Variants in SPATC1 observed in about 807,000 individuals in gnomAD.
SPATC1 encodes the protein speriolin.
Under a neutral mutation model 36.5 loss-of-function variants are expected in SPATC1, and 35 were observed. The ratio of observed to expected loss-of-function variants is 0.96; its 90% CI spans 0.73 to 1.27. The LOEUF (loss-of-function observed/expected upper bound fraction) is 1.27. Among genes scored for constraint, SPATC1 ranks in the 50% most tolerant of loss-of-function variants. SPATC1 has a pLI of 0.00. For synonymous variants in SPATC1, 361 were observed against 353.6 expected, an observed-to-expected ratio of 1.02 and a Z score of -0.24; for missense variants, 779 against 796.0, an observed-to-expected ratio of 0.98 and a Z score of 0.26.
intron 1 of SPATC1, among the ~76,000 whole-genome samples, chr8:144,025,710 G>T (rs927533385): frequency 6.6e-6 from 1 of 152,084 alleles, no homozygotes; most frequent in Non-Finnish European, 1.5e-5. Flanking sequence ...CAGGGACCTC[G>T]GTAAGGCAGC....
chr8:144,014,429 AAAG>A (rs1163947478), intron 1 of SPATC1, among the ~76,000 whole-genome samples: 2 of 151,550 alleles, frequency 1.3e-5, no homozygotes, highest in Non-Finnish European at 2.9e-5. Flanking sequence ...GGAGAGGAAG[AAAG>A]AAGGAAGAAG....
At chr8:144,028,579 A>G (rs999428292) in intron 1 of SPATC1, among the ~76,000 whole-genome samples, 7 of 152,256 alleles carry the variant, frequency 4.6e-5, no homozygotes, top group African/African-American at 1.4e-4. Context: ...CTGTGGAGAA[A>G]TAAGAATATT....
intron 1 of SPATC1, among the ~76,000 whole-genome samples, chr8:144,033,973 A>T (rs1003452432): frequency 6.6e-6 from 1 of 152,182 alleles, no homozygotes; most frequent in African/African-American, 2.4e-5. Flanking sequence ...TACCTGAAAG[A>T]GCTGAGGTTG....
intron 1 of SPATC1, among the ~76,000 whole-genome samples, chr8:144,032,436 C>T (rs1399131774): frequency 1.3e-5 from 2 of 152,104 alleles, no homozygotes; most frequent in African/African-American, 4.8e-5. Context: ...CGCCACCATG[C>T]CCAGCTAATT....
intron 1 of SPATC1, among the ~76,000 whole-genome samples, chr8:144,026,239 G>A (rs1045722291): frequency 3.3e-5 from 5 of 152,136 alleles, no homozygotes; most frequent in African/African-American, 1.2e-4. Flanking sequence ...TGTTTTCAAG[G>A]TTCTTCCATG....
chr8:144,042,938 T>C (rs1241275275), intron 4 of SPATC1, among the ~76,000 whole-genome samples: 1 of 151,738 alleles, frequency 6.6e-6, no homozygotes, highest in Non-Finnish European at 1.5e-5. Context: ...GGCCCTCCCA[T>C]CTCAGCCTCT....
rs782048859 is a variant in SPATC1 at position 144,040,818 on chromosome 8, C to T, written c.1017C>T (p.Pro339=). Residue 339 remains proline (P), a synonymous_variant, in exon 3 of 5, where the codon CCC becomes CCT. Transcript: ENST00000377470. ...CGGTCACCGTCCTTGCCTCTGCCCC[C>T]GCCCTTGCCCCCCAGGTTGCCACCA... The part of the protein sequence containing the change: ...SPTVTVLASA[P]ALAPQVATSY... 14 of 1,559,338 alleles carry T rather than the reference C, an allele frequency of 9.0e-6. No individual in the cohort carries two copies. The highest frequency in any genetic ancestry group is 2.4e-5 in the South Asian group (2 of 83,390).
chr8:144,012,247 G>A (rs1308703605), upstream of SPATC1, among the ~76,000 whole-genome samples: 4 of 152,260 alleles, frequency 2.6e-5, no homozygotes, highest in South Asian at 2.1e-4. Context: ...GGCACCATGA[G>A]GGTGAAGTTG....
chr8:144,012,474 A>C lies in SPATC1; in HGVS notation c.-42A>C. 1 of 1,530,384 alleles carries C rather than the reference A, an allele frequency of 6.5e-7. No homozygotes were observed. The highest frequency in any genetic ancestry group is 8.9e-7 in the Non-Finnish European group (1 of 1,128,016). The allele number at this position is 1,530,384 out of a possible 1,614,324, so 94.8% of individuals were successfully genotyped here. A position where few individuals can be genotyped will look rare whatever the true frequency, so the allele number is the denominator to read the frequency against. ...GGGGCCCTGGGCAGCCTCCAGGTGC[A>C]GTGCCCTCCCGTGGGCCGCACCCTT... On this transcript the variant is annotated 5_prime_UTR_variant, in exon 1 of 5. Coordinates refer to ENST00000377470, the MANE Select transcript of SPATC1 (RefSeq NM_198572.3).
rs535659031 is a variant in SPATC1, at chr8:144,046,685, A to G, written c.1505A>G (p.Gln502Arg). The G allele has an allele frequency of 1.9e-6, 3 of 1,612,354 alleles. No homozygotes were observed. The highest frequency in any genetic ancestry group is 1.3e-5 in the African/African-American group (1 of 75,030). Residue 502 changes from glutamine (Q) to arginine (R), a missense_variant, in exon 5 of 5, where the codon CAG becomes CGG. Transcript: ENST00000377470. The surrounding 1 kb of genome is among the most constrained non-coding windows in gnomAD (Gnocchi z 6.6). ...GAGAAGCTGTGCCAGAGGCTCACACAGCGCTATGTGAGCGTCATGAACAGG... is the reference window on the plus strand; with the variant it reads ...GAGAAGCTGTGCCAGAGGCTCACACGGCGCTATGTGAGCGTCATGAACAGG... ...LDEKLCQRLT[Q>R]RYVSVMNRLQ...
chr8:144,041,265 G>A lies in SPATC1; in HGVS notation c.1340G>A (p.Gly447Asp), dbSNP rs1230718394. ...SKQLAWERLV[G>D]EIAFQLDRRI... is the part of the protein sequence containing the mutation. The stretch of plus-strand genomic sequence containing the variant: ...CAGCTGGCCTGGGAGAGGCTGGTGG[G>A]TGAGATTGCCTTCCAGCTGGACCGC... The change falls in exon 4 of 5, where the codon GGT becomes GAT. Residue 447 changes from glycine (G) to aspartate (D), a missense_variant. By Grantham distance (94) the Gly-to-Asp change is moderately conservative. Transcript: ENST00000377470. 7 of 1,613,012 alleles carry A rather than the reference G, an allele frequency of 4.3e-6. No individual in the cohort carries two copies. The highest frequency in any genetic ancestry group is 5.1e-6 in the Non-Finnish European group (6 of 1,180,002).
In SPATC1 at chr8:144,046,185, G is replaced by A. The variant is rs1488576752; in HGVS notation, c.1447-442G>A. Among the ~76,000 whole-genome samples, 1 of 152,114 alleles carries A rather than the reference G, an allele frequency of 6.6e-6. No individual in the cohort carries two copies. Among genetic ancestry groups the A allele is most frequent in the African/African-American group, 2.4e-5 (1 of 41,402 alleles). ...GTAAGGAAGGGGGTGGCCTTCAGACGCTGAAAGGGAGCAGAGCACGGAGCC... is the reference window on the plus strand; with the variant it reads ...GTAAGGAAGGGGGTGGCCTTCAGACACTGAAAGGGAGCAGAGCACGGAGCC... On this transcript the variant is annotated intron_variant, in intron 4 of 4. Coordinates refer to ENST00000377470, the MANE Select transcript of SPATC1 (RefSeq NM_198572.3). This position sits in a 1 kb window ranked among gnomAD's most constrained non-coding sequence, Gnocchi z 6.6.
chr8:144,025,413 A>G (rs1834657256), intron 1 of SPATC1, among the ~76,000 whole-genome samples: 1 of 152,226 alleles, frequency 6.6e-6, no homozygotes, highest in South Asian at 2.1e-4. Flanking sequence ...AAATAATTAA[A>G]TAATCATATA....
At chr8:144,025,629 G>A (rs1016903845) in intron 1 of SPATC1, among the ~76,000 whole-genome samples, 35 of 152,288 alleles carry the variant, frequency 2.3e-4, no homozygotes, top group African/African-American at 7.9e-4. Flanking sequence ...GTGGGTGTCT[G>A]TTAGCTGAGG....
intron 1 of SPATC1, among the ~76,000 whole-genome samples, chr8:144,027,546 C>T (rs1443967323): frequency 2.6e-5 from 4 of 152,168 alleles, no homozygotes; most frequent in African/African-American, 9.7e-5. Context: ...AGATTCACCC[C>T]AAGTTTTATT....
At chr8:144,023,418 T>TC (rs1834594645) in intron 1 of SPATC1, among the ~76,000 whole-genome samples, 1 of 124,448 alleles carries the variant, frequency 8.0e-6, no homozygotes, top group Non-Finnish European at 1.8e-5. Flanking sequence ...CTGAAAACCC[T>TC]CCCCCCTCAG....
At chr8:144,038,840 C>G (rs1401001555) in intron 1 of SPATC1, among the ~76,000 whole-genome samples, 1 of 152,184 alleles carries the variant, frequency 6.6e-6, no homozygotes, top group Non-Finnish European at 1.5e-5. Context: ...TCCGGGTTGC[C>G]CGTGGCTGCC....
In SPATC1 at chr8:144,044,588, G is replaced by A. The variant is rs549941638; in HGVS notation, c.1447-2039G>A. On this transcript the variant is annotated intron_variant, in intron 4 of 4. Transcript: ENST00000377470. Reference sequence around the variant, plus strand: ...CTCCCAAAGTGCTGGAATTACAGGCGTGAGCCACCAAGCCCGGCCCTTGAA... The same window carrying A: ...CTCCCAAAGTGCTGGAATTACAGGCATGAGCCACCAAGCCCGGCCCTTGAA... Among the ~76,000 whole-genome samples, 14 of 150,926 alleles carry A rather than the reference G, an allele frequency of 9.3e-5. No individual in the cohort carries two copies. In the South Asian group the frequency reaches 2.5e-3, roughly 27 times the overall value.
At position 144,012,609 on chromosome 8, in the gene SPATC1, C is replaced by T. The variant is rs192803282; in HGVS notation, c.94C>T (p.Arg32Trp). 2.9e-3 allele frequency: 4,450 copies of T among 1,551,702 alleles called. 11 individuals carry two copies. The highest frequency in any genetic ancestry group is 9.0e-3 in the Middle Eastern group (54 of 5,992). ...ACTGAAGAAGTTGGTGCGGCTCATTCGGGAGAATCACGAGCTCAAGTCAGC... is the reference window on the plus strand; with the variant it reads ...ACTGAAGAAGTTGGTGCGGCTCATTTGGGAGAATCACGAGCTCAAGTCAGC... ...EELKKLVRLIRENHELKSAIK... is the reference protein window; with the variant it reads ...EELKKLVRLIWENHELKSAIK... Residue 32 changes from arginine to tryptophan, a missense_variant, in exon 1 of 5, where the codon CGG becomes TGG. By Grantham distance (101) the Arg-to-Trp change is moderately radical. Coordinates refer to ENST00000377470, the MANE Select transcript of SPATC1 (RefSeq NM_198572.3).
Sources: allele counts gnomAD v4.1 joint callset (sites outside exome capture counted in the v4.1 genomes callset), GRCh38; gene constraint gnomAD v4.1.1; non-coding constraint Gnocchi (gnomAD v3.1); transcripts MANE v1.5; gene names NCBI Gene and HGNC (gene_info 2026-07-23, HGNC 2026-07-21).